The following COL17A1 variants were observed in gnomAD, a reference collection of about 807,000 sequenced individuals.
The protein encoded by COL17A1 is collagen type XVII alpha 1 chain, also known as collagen alpha-1(XVII) chain.
In COL17A1, 181 loss-of-function variants were observed where a neutral mutation model predicts 218.4. That is an observed-to-expected ratio of 0.83 (90% confidence interval 0.73 to 0.94). The LOEUF (loss-of-function observed/expected upper bound fraction) is 0.94, where lower values mean the gene tolerates loss of function less well. Among genes scored for constraint, COL17A1 ranks in the 40% least tolerant of loss-of-function variants. The pLI is 0.00. For missense variants in COL17A1, 1,924 were observed against 1,945.9 expected, an observed-to-expected ratio of 0.99 and a Z score of 0.21; for synonymous variants, 721 against 731.0, an observed-to-expected ratio of 0.99 and a Z score of 0.22.
chr10:104,038,783 A>G (rs548282815), intron 44 of COL17A1, among the ~76,000 whole-genome samples: 58 of 152,122 alleles, frequency 3.8e-4, no homozygotes, highest in Non-Finnish European at 6.9e-4. Context: ...AGGACCCCCA[A>G]CATCGCATCC....
chr10:104,037,540 G>C lies in COL17A1; in HGVS notation c.3208+96C>G, dbSNP rs1589557657. ...AATTAAAACTCATGTTCCAGAGAAGGGCAAAGCAAACAGCAAACGAGGAGA... is the reference window on the plus strand; with the variant it reads ...AATTAAAACTCATGTTCCAGAGAAGCGCAAAGCAAACAGCAAACGAGGAGA... On this transcript the variant is annotated intron_variant, in intron 46 of 55. Transcript: ENST00000648076. The C allele has an allele frequency of 6.8e-6, 10 of 1,464,820 alleles. No homozygotes were observed. In the East Asian group the frequency reaches 2.3e-4, roughly 33 times the overall value. The allele number at this position is 1,464,820 out of a possible 1,614,324, so 90.7% of individuals were successfully genotyped here. A position where few individuals can be genotyped will look rare whatever the true frequency, so the allele number is the denominator to read the frequency against.
intron 6 of COL17A1, among the ~76,000 whole-genome samples, 187 bp from the exon 7 acceptor site, chr10:104,073,432 C>T (rs1442748480): frequency 2.0e-5 from 3 of 152,236 alleles, no homozygotes; most frequent in East Asian, 3.9e-4. Flanking sequence ...GAATGTTTTG[C>T]AATGCCCTAG....
intron 44 of COL17A1, among the ~76,000 whole-genome samples, 180 bp from the exon 45 acceptor site, chr10:104,038,708 G>C (rs969533791): frequency 2.6e-5 from 4 of 152,078 alleles, no homozygotes; most frequent in Admixed American, 6.5e-5. Context: ...GCCACTGTCT[G>C]AAAGTGGCAC....
At chr10:104,041,571 G>A in intron 36 of COL17A1, 33 bp from the exon 37 acceptor site, 1 of 1,585,824 alleles carries the variant, frequency 6.3e-7, no homozygotes, top group Non-Finnish European at 8.7e-7. Flanking sequence ...ATGAGCAAAA[G>A]CTGTCACGAG....
intron 11 of COL17A1, 164 bp downstream of exon 11, chr10:104,063,583 G>A (rs759340733): frequency 1.4e-5 from 16 of 1,107,912 alleles, no homozygotes; most frequent in South Asian, 6.7e-5. Context: ...TTCCCTTGGG[G>A]TCTGAGTTCT....
Position 104,034,802 on chromosome 10 carries a change from G to T in COL17A1, c.3620-35C>A, listed in dbSNP as rs779270496. 8.1e-6 allele frequency: 13 copies of T among 1,604,910 alleles called. No individual in the cohort carries two copies. The South Asian group carries it at 1.3e-4, about 17-fold the overall frequency. ...AGGAAGAGAAAGAAAGGTCGGGGTA[G>T]TGCTGCGGAGGAAGCTGAATTCCCA... On this transcript the variant is annotated intron_variant, in intron 50 of 55. Coordinates refer to ENST00000648076, the MANE Select transcript of COL17A1 (RefSeq NM_000494.4).
rs1295004701 is a variant in COL17A1, at chr10:104,038,510, A to G, written c.2966T>C (p.Met989Thr). Residue 989 changes from methionine to threonine, a missense_variant, in exon 45 of 56, where the codon ATG becomes ACG. Coordinates refer to ENST00000648076, the MANE Select transcript of COL17A1 (RefSeq NM_000494.4). Reference sequence around the variant, plus strand: ...GGGCCCTGGCGGGCCTGACACGTACATGGTACTTGATGATCCCCCTGCAGC... The same window carrying G: ...GGGCCCTGGCGGGCCTGACACGTACGTGGTACTTGATGATCCCCCTGCAGC... Reference protein sequence around the residue: ...GPSEGGSSSTMYVSGPPGPPG... With the variant: ...GPSEGGSSSTTYVSGPPGPPG... The G allele has an allele frequency of 5.6e-6, 9 of 1,612,970 alleles. No individual in the cohort carries two copies. Among genetic ancestry groups the G allele is most frequent in the African/African-American group, 4.0e-5 (3 of 74,898 alleles).
In COL17A1 at chr10:104,059,711, A is replaced by C; in HGVS notation, c.1149T>G (p.Phe383Leu). ...TTTCTTTTTTTAGGGTGTCTTCTGA[A>C]AAAGAAGCTATGTACAGAACCCATT... ...ASPASIAATS[F>L]SEDTLKKEKQ... Residue 383 changes from phenylalanine to leucine, a missense_variant, in exon 15 of 56, where the codon TTT becomes TTG. By Grantham distance (22) the Phe-to-Leu change is conservative (BLOSUM62 0). Coordinates refer to ENST00000648076, the MANE Select transcript of COL17A1 (RefSeq NM_000494.4). 6.2e-7 allele frequency: 1 copy of C among 1,614,156 alleles called. No individual in the cohort carries two copies. The highest frequency in any genetic ancestry group is 8.5e-7 in the Non-Finnish European group (1 of 1,180,024).
In COL17A1 at chr10:104,076,426, C is replaced by T. The variant is rs763187704; in HGVS notation, c.206G>A (p.Gly69Glu). 2 of 1,614,020 alleles carry T rather than the reference C, an allele frequency of 1.2e-6. No individual in the cohort carries two copies. The highest frequency in any genetic ancestry group is 2.2e-5 in the South Asian group (2 of 91,070). The change falls in exon 5 of 56, where the codon GGA becomes GAA. Residue 69 changes from glycine to glutamate, a missense_variant. Gly to Glu is a moderately conservative substitution (Grantham distance 98, BLOSUM62 -2). Coordinates refer to ENST00000648076, the MANE Select transcript of COL17A1 (RefSeq NM_000494.4). ...HGSSGYINST[G>E]STRGHASTSS... ...GGTGGAGGCATGGCCTCGTGTGCTT[C>T]CAGCTGCAAGAGGGAAAAAGCATAA...
intron 9 of COL17A1, among the ~76,000 whole-genome samples, chr10:104,070,100 A>T (rs1291731066): frequency 6.6e-6 from 1 of 152,162 alleles, no homozygotes; most frequent in African/African-American, 2.4e-5. Flanking sequence ...GCCCAGTACT[A>T]GGGGTGGAAA....
chr10:104,050,232 G>T, intron 27 of COL17A1, 108 bp from the exon 28 acceptor site: 1 of 1,497,242 alleles, frequency 6.7e-7, no homozygotes, highest in South Asian at 1.2e-5. Context: ...CTGTATCCGT[G>T]AACTCCTGTC....
intron 43 of COL17A1, 61 bp downstream of exon 43, chr10:104,039,377 AGGCTCTG>A: frequency 2.0e-6 from 3 of 1,521,258 alleles, no homozygotes; most frequent in Non-Finnish European, 2.7e-6. Context: ...CCATCTCTTC[AGGCTCTG>A]GGCTCTGGGC....
intron 9 of COL17A1, among the ~76,000 whole-genome samples, chr10:104,065,438 A>G (rs533214585): frequency 2.0e-5 from 3 of 152,324 alleles, no homozygotes; most frequent in African/African-American, 7.2e-5. Context: ...GTAATATGGA[A>G]CAGCTGAACA....
chr10:104,034,875 G>T, intron 50 of COL17A1, 108 bp from the exon 51 acceptor site: 1 of 1,400,614 alleles, frequency 7.1e-7, no homozygotes, highest in Non-Finnish European at 9.8e-7. Context: ...AGGGGATGAG[G>T]CTGGGCCTCC....
At chr10:104,043,372 G>T in intron 35 of COL17A1, 129 bp downstream of exon 35, 1 of 875,798 alleles carries the variant, frequency 1.1e-6, no homozygotes, top group Non-Finnish European at 1.9e-6. Flanking sequence ...CTTTTCTCAG[G>T]CCAAACTCCT....
At chr10:104,074,355 G>A in intron 5 of COL17A1, 124 bp from the exon 6 acceptor site, 1 of 1,367,144 alleles carries the variant, frequency 7.3e-7, no homozygotes, top group South Asian at 1.2e-5. Context: ...AGGGGGGAAT[G>A]AGGTATGCTC....
rs1265046456 is a variant in COL17A1, at chr10:104,041,070, T to C, written c.2696A>G (p.Asn899Ser). The C allele has an allele frequency of 1.2e-6, 2 of 1,613,962 alleles. No homozygotes were observed. Among genetic ancestry groups the C allele is most frequent in the Non-Finnish European group, 1.7e-6 (2 of 1,179,994 alleles). ...ACTTGACTCCCTGACATTACCTGAG[T>C]TGGACAGGAACGATCCTGGTGGGCC... ...PPGPPGSFLSNSETFLSGPPG... is the reference protein window; with the variant it reads ...PPGPPGSFLSSSETFLSGPPG... Residue 899 changes from asparagine (N) to serine (S), a missense_variant, in exon 39 of 56, where the codon AAC becomes AGC. Transcript: ENST00000648076.
In COL17A1 at chr10:104,037,022, C is replaced by T. The variant is rs1310186115; in HGVS notation, c.3277+23G>A. 5.7e-6 allele frequency: 9 copies of T among 1,590,646 alleles called. No homozygotes were observed. In the East Asian group the frequency reaches 9.0e-5, roughly 16 times the overall value. ...GAGAAAGCAAAGATAGTCCCACCCT[C>T]GATCCCCCCACAGGTGACTCACGCT... On this transcript the variant is annotated intron_variant, in intron 47 of 55. Transcript: ENST00000648076.
rs757142485 is a variant in COL17A1 at position 104,035,548 on chromosome 10, A to G, written c.3434T>C (p.Ile1145Thr). 3.2e-5 allele frequency: 52 copies of G among 1,613,534 alleles called. No homozygotes were observed. Among genetic ancestry groups the G allele is most frequent in the Admixed American group, 5.0e-5 (3 of 59,948 alleles). Residue 1145 changes from isoleucine (I) to threonine (T), a missense_variant, in exon 49 of 56, where the codon ATT becomes ACT. Transcript: ENST00000648076. ...LSYMSSSGIS[I>T]GLPGPPGPPG... is the part of the protein sequence containing the mutation. The stretch of plus-strand genomic sequence containing the variant: ...GGGCCCCGGGGGACCAGGAAGCCCA[A>G]TGCTGATCCCAGAACCTAGGGAGGT...
Sources: gnomAD v4.1 joint callset for allele counts (sites outside exome capture counted in the v4.1 genomes callset) on GRCh38, gnomAD v4.1.1 for gene constraint, MANE v1.5 for transcripts, NCBI Gene and HGNC (gene_info 2026-07-23, HGNC 2026-07-21) for gene names.